SKAP1: variants seen among roughly 807,000 people sequenced by gnomAD.
SKAP1 encodes the protein src kinase associated phosphoprotein 1.
Under a neutral mutation model 58.5 loss-of-function variants are expected in SKAP1, and 44 were observed. The ratio of observed to expected loss-of-function variants is 0.75; its 90% CI spans 0.59 to 0.97. The LOEUF is 0.97. Among genes scored for constraint, SKAP1 ranks in the 50% least tolerant of loss-of-function variants. The pLI is 0.00. For missense variants in SKAP1, 390 were observed against 435.2 expected (o/e 0.90, Z 0.92); for synonymous variants, 127 against 149.7 (o/e 0.85, Z 1.11).
intron 4 of SKAP1, among the ~76,000 whole-genome samples, chr17:48,206,269 G>A (rs1567820610): frequency 6.6e-6 from 1 of 152,078 alleles, no homozygotes; most frequent in South Asian, 2.1e-4. Flanking sequence ...TATTATAAAG[G>A]ATATAACAAA....
intron 1 of SKAP1, among the ~76,000 whole-genome samples, chr17:48,424,335 C>G (rs932886550): frequency 6.7e-6 from 1 of 150,012 alleles, no homozygotes; most frequent in African/African-American, 2.5e-5. Context: ...ACACCATTCT[C>G]CTGCCTCAGC....
chr17:48,280,123 A>C (rs1567850751), intron 4 of SKAP1, among the ~76,000 whole-genome samples: 1 of 152,326 alleles, frequency 6.6e-6, no homozygotes, highest in East Asian at 1.9e-4. Flanking sequence ...TCTGGAAAAC[A>C]TATTTTGTAT....
intron 11 of SKAP1, among the ~76,000 whole-genome samples, chr17:48,140,824 G>A (rs1423911559): frequency 4.0e-5 from 6 of 149,262 alleles, no homozygotes; most frequent in African/African-American, 1.5e-4. Flanking sequence ...TGTTACCCAG[G>A]CTGCAGTGCA....
intron 4 of SKAP1, among the ~76,000 whole-genome samples, chr17:48,254,101 G>A (rs769347663): frequency 1.3e-5 from 2 of 152,092 alleles, no homozygotes; most frequent in Non-Finnish European, 2.9e-5. Flanking sequence ...AGCAATTATT[G>A]TACTACGTGT....
chr17:48,228,102 T>G (rs1385197375), intron 4 of SKAP1, among the ~76,000 whole-genome samples: 2 of 152,110 alleles, frequency 1.3e-5, no homozygotes, highest in African/African-American at 2.4e-5. Flanking sequence ...GAAACACTGA[T>G]GTAATTCAGT....
intron 4 of SKAP1, among the ~76,000 whole-genome samples, chr17:48,198,713 T>G (rs2064681485): frequency 6.6e-6 from 1 of 152,166 alleles, no homozygotes; most frequent in African/African-American, 2.4e-5. Context: ...TCTGTGGTGG[T>G]GGGTTAAGCA....
chr17:48,216,289 A>G (rs1334577997), intron 4 of SKAP1, among the ~76,000 whole-genome samples: 2 of 152,182 alleles, frequency 1.3e-5, no homozygotes, highest in Admixed American at 1.3e-4. Context: ...TATAGAAGCA[A>G]TACAACTTTA....
At chr17:48,271,720 T>A (rs2065635740) in intron 4 of SKAP1, among the ~76,000 whole-genome samples, 1 of 152,164 alleles carries the variant, frequency 6.6e-6, no homozygotes, top group African/African-American at 2.4e-5. Context: ...TGGTGGGAAC[T>A]GTATTAAAAT....
At chr17:48,145,935 C>A (rs1415688009) in intron 11 of SKAP1, among the ~76,000 whole-genome samples, 1 of 152,080 alleles carries the variant, frequency 6.6e-6, no homozygotes, top group Non-Finnish European at 1.5e-5. Context: ...GAACCCCTGG[C>A]CTCTCTGTGG....
chr17:48,386,237 T>C (rs2144498711), intron 2 of SKAP1, among the ~76,000 whole-genome samples: 1 of 151,538 alleles, frequency 6.6e-6, no homozygotes, highest in Middle Eastern at 3.4e-3. Flanking sequence ...AATACATTTA[T>C]AACAGTTTTT....
intron 11 of SKAP1, among the ~76,000 whole-genome samples, chr17:48,161,521 G>T (rs760858284): frequency 2.0e-5 from 3 of 152,180 alleles, no homozygotes; most frequent in African/African-American, 7.2e-5. Context: ...CATGAGTTCT[G>T]AATCTTCTTC....
chr17:48,294,253 TCA>T (rs1435148529), intron 4 of SKAP1: 1 of 152,218 alleles, frequency 6.6e-6, no homozygotes, highest in Non-Finnish European at 1.5e-5. Flanking sequence ...GTTTGAACTC[TCA>T]GACTCGGATC....
At chr17:48,230,473 T>C (rs1975703) in intron 4 of SKAP1, among the ~76,000 whole-genome samples, 24,421 of 152,162 alleles carry the variant, frequency 0.16, 2,661 homozygotes, top group African/African-American at 0.3. Context: ...TTGTTTTATG[T>C]GCCGGTTGCA....
intron 4 of SKAP1, among the ~76,000 whole-genome samples, chr17:48,277,289 T>C (rs2065712518): frequency 6.6e-6 from 1 of 152,234 alleles, no homozygotes; most frequent in African/African-American, 2.4e-5. Context: ...AGTATTAAAG[T>C]TGCATTCCTA....
intron 11 of SKAP1, among the ~76,000 whole-genome samples, chr17:48,148,493 G>C (rs1415230182): frequency 2.6e-5 from 4 of 152,174 alleles, no homozygotes; most frequent in Non-Finnish European, 5.9e-5. Flanking sequence ...AAACTGCGCA[G>C]CTCTGCACCG....
chr17:48,221,837 T>C (rs2065009938), intron 4 of SKAP1, among the ~76,000 whole-genome samples: 1 of 152,224 alleles, frequency 6.6e-6, no homozygotes, highest in South Asian at 2.1e-4. Flanking sequence ...GAGCACTGCA[T>C]GTTTTAAGGG....
chr17:48,178,930 G>A (rs534443203), intron 9 of SKAP1, among the ~76,000 whole-genome samples: 1 of 152,180 alleles, frequency 6.6e-6, no homozygotes, highest in Non-Finnish European at 1.5e-5. Context: ...TCCCCAGCAG[G>A]GCAGGGACAT....
At chr17:48,431,892 G>T (rs2067920362), upstream of SKAP1, among the ~76,000 whole-genome samples, 1 of 152,130 alleles carries the variant, frequency 6.6e-6, no homozygotes, top group Admixed American at 6.5e-5. Context: ...CGAGAAGGAT[G>T]AGTGTGATAA....
At chr17:48,234,154 T>C (rs1239901446) in intron 4 of SKAP1, among the ~76,000 whole-genome samples, 1 of 152,166 alleles carries the variant, frequency 6.6e-6, no homozygotes, top group Non-Finnish European at 1.5e-5. Context: ...TATTCAGATA[T>C]GAGGATTAAA....
Sources: gnomAD v4.1 joint callset for allele counts (sites outside exome capture counted in the v4.1 genomes callset) on GRCh38, gnomAD v4.1.1 for gene constraint, MANE v1.5 for transcripts, NCBI Gene and HGNC (gene_info 2026-07-23, HGNC 2026-07-21) for gene names.